MGRN1: variants seen among roughly 807,000 people sequenced by gnomAD.
MGRN1 encodes the protein mahogunin ring finger 1.
Under a neutral mutation model 69.2 loss-of-function variants are expected in MGRN1, and 29 were observed. The observed-to-expected ratio is 0.42, with a 90% CI of 0.31 to 0.57. The LOEUF is 0.57. Ranked by LOEUF, MGRN1 falls within the 20% of genes least tolerant of loss-of-function variation. The pLI is 0.15. For synonymous variants in MGRN1, 470 were observed against 344.2 expected, an observed-to-expected ratio of 1.37 and a Z score of -4.04; for missense variants, 998 against 796.2, an observed-to-expected ratio of 1.25 and a Z score of -3.05.
chr16:4,654,334 G>T (rs183092607), intron 4 of MGRN1, among the ~76,000 whole-genome samples: 106 of 152,294 alleles, frequency 7.0e-4, no homozygotes, highest in African/African-American at 2.3e-3. Context: ...CAGGAACTGG[G>T]GCTGGGACCA....
At chr16:4,666,987 G>A (rs1030313958) in intron 7 of MGRN1, among the ~76,000 whole-genome samples, 1 of 152,208 alleles carries the variant, frequency 6.6e-6, no homozygotes, top group East Asian at 1.9e-4. Context: ...GTTTGATAGT[G>A]CCTTGGTGCC....
chr16:4,661,668 C>T (rs1379086501), intron 5 of MGRN1, among the ~76,000 whole-genome samples: 1 of 152,288 alleles, frequency 6.6e-6, no homozygotes, highest in Non-Finnish European at 1.5e-5. Flanking sequence ...GACCACGGCA[C>T]TTCTCAGCCT....
At chr16:4,679,896 G>A (rs917195947) in intron 11 of MGRN1, 136 bp from the exon 12 acceptor site, 12 of 829,650 alleles carry the variant, frequency 1.4e-5, no homozygotes, top group African/African-American at 6.9e-5. Flanking sequence ...GGACAGTCCC[G>A]AGATTCACGT....
intron 5 of MGRN1, among the ~76,000 whole-genome samples, chr16:4,658,034 GCC>G (rs2078591624): frequency 6.6e-6 from 1 of 151,692 alleles, no homozygotes; most frequent in South Asian, 2.1e-4. Flanking sequence ...GAGCCACCGT[GCC>G]CGGCCATTGC....
chr16:4,661,055 T>C (rs1282155991), intron 5 of MGRN1, among the ~76,000 whole-genome samples: 1 of 152,138 alleles, frequency 6.6e-6, no homozygotes, highest in Admixed American at 6.5e-5. Flanking sequence ...AATCACAGCT[T>C]GCCGCAGCCT....
intron 4 of MGRN1, among the ~76,000 whole-genome samples, 178 bp downstream of exon 4, chr16:4,653,002 C>T (rs1427988255): frequency 2.6e-5 from 4 of 152,034 alleles, no homozygotes; most frequent in Non-Finnish European, 5.9e-5. Flanking sequence ...CACTTTTCTG[C>T]GGGAACCAGC....
At chr16:4,628,844 CT>C (rs914369641) in intron 1 of MGRN1, among the ~76,000 whole-genome samples, 11 of 151,906 alleles carry the variant, frequency 7.2e-5, no homozygotes, top group Admixed American at 6.6e-4. Flanking sequence ...TATGCCCAGC[CT>C]TTTCTGTTTT....
intron 4 of MGRN1, among the ~76,000 whole-genome samples, chr16:4,655,336 G>T (rs978931588): frequency 9.2e-5 from 14 of 152,184 alleles, no homozygotes; most frequent in Non-Finnish European, 1.5e-5. Flanking sequence ...AGCAGAGAGG[G>T]TGCCCTGCCA....
intron 16 of MGRN1, 190 bp from the exon 17 acceptor site, chr16:4,688,606 T>C: frequency 7.3e-7 from 1 of 1,360,824 alleles, no homozygotes. Context: ...GGACACAGCG[T>C]ATTTGGCACA....
chr16:4,669,260 C>A (rs959419642), intron 8 of MGRN1: 1 of 151,986 alleles, frequency 6.6e-6, no homozygotes, highest in Non-Finnish European at 1.5e-5. Flanking sequence ...ATGGTGAGAC[C>A]CCGTCTCTAC....
At chr16:4,641,515 C>CT (rs542014508) in intron 1 of MGRN1, among the ~76,000 whole-genome samples, 2,050 of 135,370 alleles carry the variant, frequency 0.015, 30 homozygotes, top group Non-Finnish European at 0.021. Flanking sequence ...TGCCTGGCTA[C>CT]TTTTTTTTTT....
intron 5 of MGRN1, chr16:4,664,250 A>G (rs534376922): frequency 8.7e-6 from 2 of 228,836 alleles, no homozygotes; most frequent in African/African-American, 2.3e-5. Flanking sequence ...TTGGAAACAT[A>G]CCTAGACACA....
At position 4,650,195 on chromosome 16, in the gene MGRN1, C is replaced by T. The variant is rs529983794; in HGVS notation, c.89-170C>T. 3.9e-4 allele frequency: 208 copies of T among 532,260 alleles called. 2 individuals are homozygous for T. The East Asian group carries it at 5.7e-3, about 15-fold the overall frequency. The allele number at this position is 532,260 out of a possible 1,614,324, so 33.0% of individuals were successfully genotyped here. A position where few individuals can be genotyped will look rare whatever the true frequency, so the allele number is the denominator to read the frequency against. On this transcript the variant is annotated intron_variant, in intron 1 of 16. Coordinates refer to ENST00000262370, the MANE Select transcript of MGRN1 (RefSeq NM_015246.4). The stretch of plus-strand genomic sequence containing the variant: ...GTGGGTGCCGGTAATCCCAGCTACT[C>T]GGGAGGCTGAGGCAGAAGAATCGCT...
intron 1 of MGRN1, chr16:4,635,055 G>T (rs1898208602): frequency 6.6e-6 from 1 of 152,260 alleles, no homozygotes; most frequent in Admixed American, 6.5e-5. Context: ...AGAAAGAAAA[G>T]ATTGCTTCAG....
Position 4,648,738 on chromosome 16 carries a change from A to G in MGRN1, c.89-1627A>G, listed in dbSNP as rs368925839. On this transcript the variant is annotated intron_variant, in intron 1 of 16. Coordinates refer to ENST00000262370, the MANE Select transcript of MGRN1 (RefSeq NM_015246.4). ...GGTCACCCGGCTCCTCCTCTCGGGG[A>G]CTCTTCCCGTGGTCACCCGGCTCCT... 1.4e-3 allele frequency among the ~76,000 whole-genome samples: 64 copies of G among 46,220 alleles called. 1 individual carries two copies. The highest frequency in any genetic ancestry group is 6.3e-3 in the South Asian group (9 of 1,422). 30.3% of individuals were successfully genotyped at this position (46,220 alleles called of 152,430 possible). A position where few individuals can be genotyped will look rare whatever the true frequency, so the allele number is the denominator to read the frequency against.
chr16:4,656,882 AAAATAAATAAATAAATAAATAAATAAAT>A (rs57256799), intron 4 of MGRN1, among the ~76,000 whole-genome samples: 2 of 146,840 alleles, frequency 1.4e-5, no homozygotes, highest in East Asian at 2.0e-4. Flanking sequence ...TCTTATCTCA[AAAATAAATAAATAAATAAATAAATAAAT>A]AAATAAATAA....
chr16:4,675,926 G>A (rs2079043838), intron 10 of MGRN1, among the ~76,000 whole-genome samples: 1 of 152,222 alleles, frequency 6.6e-6, no homozygotes, highest in African/African-American at 2.4e-5. Flanking sequence ...AAACGACCAG[G>A]TCAAAGTGCA....
chr16:4,673,735 G>A (rs2078992744), intron 10 of MGRN1, 78 bp downstream of exon 10: 3 of 1,527,902 alleles, frequency 2.0e-6, no homozygotes, highest in East Asian at 2.3e-5. Flanking sequence ...CCTGGGATAG[G>A]GGGCCACAGG....
At position 4,690,599 on chromosome 16, in the gene MGRN1, CAT is replaced by C. The variant is rs1596326962; in HGVS notation, c.*1692_*1693del. 6.6e-6 allele frequency: 1 copy of C among 152,538 alleles called. No homozygotes were observed. The highest frequency in any genetic ancestry group is 1.9e-4 in the East Asian group (1 of 5,182). 9.4% of individuals were successfully genotyped at this position (152,538 alleles called of 1,614,324 possible). A position where few individuals can be genotyped will look rare whatever the true frequency, so the allele number is the denominator to read the frequency against. ...ACGCCCACTTGCACATGCTCACGCA[CAT>C]GTTCACACATGCACACTCACGCTCA... On this transcript the variant is annotated 3_prime_UTR_variant, in exon 17 of 17. Transcript: ENST00000262370.
Sources: allele counts gnomAD v4.1 joint callset (sites outside exome capture counted in the v4.1 genomes callset), GRCh38; gene constraint gnomAD v4.1.1; transcripts MANE v1.5; gene names NCBI Gene and HGNC (gene_info 2026-07-23, HGNC 2026-07-21).